AGBL4: variants seen among roughly 807,000 people sequenced by gnomAD.
The protein encoded by AGBL4 is cytosolic carboxypeptidase 6.
A neutral mutation model predicts 66.4 loss-of-function variants in AGBL4; 58 were observed. The observed-to-expected ratio is 0.87, with a 90% confidence interval of 0.71 to 1.09. AGBL4 has a LOEUF of 1.09. AGBL4 is among the 50% of genes least tolerant of loss of function. The pLI is 0.00. For missense variants in AGBL4, 579 were observed against 631.0 expected, an observed-to-expected ratio of 0.92 and a Z score of 0.88; for synonymous variants, 234 against 222.9, an observed-to-expected ratio of 1.05 and a Z score of -0.44.
chr1:49,015,794 T>C (rs1416334709), intron 5 of AGBL4, among the ~76,000 whole-genome samples: 1 of 152,116 alleles, frequency 6.6e-6, no homozygotes, highest in African/African-American at 2.4e-5. Flanking sequence ...CTTACATAAT[T>C]TTACAAAATG....
chr1:49,846,829 A>T (rs1646159547), intron 2 of AGBL4, among the ~76,000 whole-genome samples: 1 of 152,254 alleles, frequency 6.6e-6, no homozygotes. Flanking sequence ...AGAAGAATTA[A>T]TACTGTTAAA....
At position 49,495,496 on chromosome 1, in the gene AGBL4, A is replaced by C. The variant is rs1647463592; in HGVS notation, c.282+201817T>G. 2.6e-5 allele frequency among the ~76,000 whole-genome samples: 4 copies of C among 151,972 alleles called. No homozygotes were observed. The South Asian group carries it at 8.3e-4, about 31-fold the overall frequency. ...TGTCTTAAAGCATGAATGTTAGCACAGACCATGTTCGTCTCTGCCTCATGT... is the reference window on the plus strand; with the variant it reads ...TGTCTTAAAGCATGAATGTTAGCACCGACCATGTTCGTCTCTGCCTCATGT... On this transcript the variant is annotated intron_variant, in intron 3 of 13. Transcript: ENST00000371839.
At chr1:49,037,886 G>T (rs1664791001) in intron 5 of AGBL4, among the ~76,000 whole-genome samples, 1 of 151,922 alleles carries the variant, frequency 6.6e-6, no homozygotes, top group African/African-American at 2.4e-5. Context: ...GCTTTGCAAG[G>T]ATTCACTAAA....
chr1:49,914,677 G>A (rs991971290), intron 1 of AGBL4, among the ~76,000 whole-genome samples: 12 of 152,148 alleles, frequency 7.9e-5, no homozygotes, highest in Admixed American at 4.6e-4. Context: ...TATTTGTGAT[G>A]ACAACAGCCT....
At chr1:49,599,137 T>A (rs536102482) in intron 3 of AGBL4, among the ~76,000 whole-genome samples, 1 of 152,198 alleles carries the variant, frequency 6.6e-6, no homozygotes, top group African/African-American at 2.4e-5. Flanking sequence ...TAGGCAGGAG[T>A]CCCTCTTGTT....
At chr1:49,992,207 T>TA (rs1394032388) in intron 1 of AGBL4, among the ~76,000 whole-genome samples, 1 of 151,834 alleles carries the variant, frequency 6.6e-6, no homozygotes, top group Non-Finnish European at 1.5e-5. Flanking sequence ...CCGTCTCTAC[T>TA]AAAAACACAA....
chr1:48,546,900 T>C (rs2803263), intron 11 of AGBL4, among the ~76,000 whole-genome samples: 31,138 of 94,038 alleles, frequency 0.33, 3,951 homozygotes, highest in Middle Eastern at 0.48. Flanking sequence ...CACACACACA[T>C]ACATAATAGC....
At chr1:48,635,325 T>G (rs1332944351) in intron 8 of AGBL4, among the ~76,000 whole-genome samples, 1 of 152,214 alleles carries the variant, frequency 6.6e-6, no homozygotes, top group Non-Finnish European at 1.5e-5. Context: ...TCTTTCCAAA[T>G]GCCTCTTTCC....
At chr1:49,654,767 A>C (rs1238903119) in intron 3 of AGBL4, among the ~76,000 whole-genome samples, 1 of 151,760 alleles carries the variant, frequency 6.6e-6, no homozygotes, top group East Asian at 1.9e-4. Flanking sequence ...TTTGCTTTCC[A>C]TTTGCTTGGT....
intron 3 of AGBL4, among the ~76,000 whole-genome samples, chr1:49,535,305 A>T (rs1651482176): frequency 6.7e-6 from 1 of 149,034 alleles, no homozygotes; most frequent in African/African-American, 2.4e-5. Flanking sequence ...ATCTCATTCT[A>T]TACATTAATA....
intron 4 of AGBL4, among the ~76,000 whole-genome samples, chr1:49,234,170 T>C (rs1180994221): frequency 6.6e-6 from 1 of 152,158 alleles, no homozygotes; most frequent in Admixed American, 6.5e-5. Context: ...TTATGGTCAA[T>C]CCAATATTAC....
Position 48,599,928 on chromosome 1 carries a change from A to G in AGBL4, c.952-8943T>C, listed in dbSNP as rs112493210. Among the ~76,000 whole-genome samples, 181 of 152,284 alleles carry G rather than the reference A, an allele frequency of 1.2e-3. 1 individual carries two copies. The highest frequency in any genetic ancestry group is 4.2e-3 in the African/African-American group (175 of 41,558). On this transcript the variant is annotated intron_variant, in intron 9 of 13. Coordinates refer to ENST00000371839, the MANE Select transcript of AGBL4 (RefSeq NM_032785.4). The stretch of plus-strand genomic sequence containing the variant: ...GTAACACCTCTGGGAGAAAGCGTGG[A>G]CCGAGAGGAGGTCCTGGGACTGAGT...
chr1:48,832,558 G>A (rs1646578637), intron 6 of AGBL4, among the ~76,000 whole-genome samples: 1 of 152,140 alleles, frequency 6.6e-6, no homozygotes, highest in South Asian at 2.1e-4. Flanking sequence ...GCACAAAGAG[G>A]ACCTCAAATT....
chr1:48,917,365 T>A (rs916171295), intron 5 of AGBL4, among the ~76,000 whole-genome samples: 1 of 152,154 alleles, frequency 6.6e-6, no homozygotes, highest in African/African-American at 2.4e-5. Context: ...AGACAATAGA[T>A]GTGTAGGCTG....
intron 3 of AGBL4, among the ~76,000 whole-genome samples, chr1:49,629,752 G>C (rs1013583230): frequency 3.3e-5 from 5 of 152,080 alleles, no homozygotes; most frequent in African/African-American, 1.2e-4. Context: ...AAGAGGACTA[G>C]GGGAATCATT....
chr1:49,934,210 T>G (rs541764258), intron 1 of AGBL4, among the ~76,000 whole-genome samples: 11 of 152,146 alleles, frequency 7.2e-5, no homozygotes, highest in Non-Finnish European at 1.5e-4. Flanking sequence ...AATACAATAA[T>G]AGTAAGATAT....
intron 4 of AGBL4, among the ~76,000 whole-genome samples, chr1:49,241,516 A>G (rs1651234391): frequency 6.6e-6 from 1 of 152,084 alleles, no homozygotes; most frequent in African/African-American, 2.4e-5. Context: ...TATAACTGTT[A>G]TTACAAAGTT....
intron 3 of AGBL4, among the ~76,000 whole-genome samples, chr1:49,648,145 T>C (rs1186018148): frequency 1.3e-5 from 2 of 152,002 alleles, no homozygotes. Flanking sequence ...AGATGGGCAA[T>C]ACAGGCAGAG....
At chr1:49,026,692 C>T (rs1571261547) in intron 5 of AGBL4, among the ~76,000 whole-genome samples, 1 of 152,258 alleles carries the variant, frequency 6.6e-6, no homozygotes, top group South Asian at 2.1e-4. Context: ...AGCAGCTCAC[C>T]AGATATCCTG....
Sources: allele counts gnomAD v4.1 joint callset (sites outside exome capture counted in the v4.1 genomes callset), GRCh38; gene constraint gnomAD v4.1.1; transcripts MANE v1.5; gene names NCBI Gene and HGNC (gene_info 2026-07-23, HGNC 2026-07-21).